The following RBFA variants were observed in gnomAD, a reference collection of about 807,000 sequenced individuals.
RBFA encodes ribosome binding factor A, also known as putative ribosome-binding factor A, mitochondrial.
Under a neutral mutation model 27.9 loss-of-function variants are expected in RBFA, and 16 were observed. The ratio of observed to expected loss-of-function variants is 0.57; its 90% CI spans 0.39 to 0.87. RBFA has a LOEUF of 0.87. Among genes scored for constraint, RBFA ranks in the 40% least tolerant of loss-of-function variants. RBFA has a pLI of 0.00. For synonymous variants in RBFA, 181 were observed against 181.0 expected, an observed-to-expected ratio of 1.00 and a Z score of 0.00; for missense variants, 456 against 432.1, an observed-to-expected ratio of 1.06 and a Z score of -0.49.
chr18:80,044,215 G>A lies in RBFA; in HGVS notation c.580G>A (p.Asp194Asn). Residue 194 changes from aspartate to asparagine, a missense_variant, in exon 6 of 7, where the codon GAT (aspartate) becomes AAT (asparagine). Physicochemically the swap from Asp to Asn is conservative, Grantham distance 23. Coordinates refer to ENST00000306735, the MANE Select transcript of RBFA (RefSeq NM_024805.3). ...TACCCTCTGTGTTCCTCTGTAGCTT[G>A]ATCAGTTACTGGCAGTCGCAGACTT... Reference protein sequence around the residue: ...DKGNAALAELDQLLAVADFGP... With the variant: ...DKGNAALAELNQLLAVADFGP... 2 of 1,614,044 alleles carry A rather than the reference G, an allele frequency of 1.2e-6. No individual in the cohort carries two copies. Among genetic ancestry groups the A allele is most frequent in the East Asian group, 4.5e-5 (2 of 44,870 alleles).
In RBFA at chr18:80,047,773, G is replaced by A. The variant is rs551369975; in HGVS notation, c.*1618G>A. 8.5e-5 allele frequency among the ~76,000 whole-genome samples: 13 copies of A among 152,300 alleles called. No homozygotes were observed. The highest frequency in any genetic ancestry group is 4.6e-4 in the Admixed American group (7 of 15,304). On this transcript the variant is annotated 3_prime_UTR_variant, in exon 7 of 7. Transcript: ENST00000306735. ...TAAAGGCTGATGCCTCTGTTACACCGTGAGCCAAATGTTTATCTCTAGGGT... is the reference window on the plus strand; with the variant it reads ...TAAAGGCTGATGCCTCTGTTACACCATGAGCCAAATGTTTATCTCTAGGGT...
intron 3 of RBFA, 97 bp downstream of exon 3, chr18:80,037,603 C>A: frequency 1.7e-6 from 2 of 1,194,128 alleles, no homozygotes; most frequent in Non-Finnish European, 2.4e-6. Flanking sequence ...AAAAAAGACG[C>A]TTTAGACTGG....
chr18:80,041,195 A>G (rs1253869842), intron 4 of RBFA: 1 of 152,248 alleles, frequency 6.6e-6, no homozygotes, highest in Non-Finnish European at 1.5e-5. Context: ...CAAAAGCAAG[A>G]AAATGAGAGA....
intron 4 of RBFA, among the ~76,000 whole-genome samples, chr18:80,039,628 C>T (rs2052003583): frequency 6.6e-6 from 1 of 152,194 alleles, no homozygotes; most frequent in Non-Finnish European, 1.5e-5. Context: ...TTTTAGGAAA[C>T]TTGTATTCAC....
rs570809904 is a variant in RBFA at position 80,049,384 on chromosome 18, C to T, written c.*3229C>T. On this transcript the variant is annotated 3_prime_UTR_variant, in exon 7 of 7. Coordinates refer to ENST00000306735, the MANE Select transcript of RBFA (RefSeq NM_024805.3). Reference sequence around the variant, plus strand: ...GGTCCACTCCCGGGGATTTCCATGGCCTTCCCTGGATGATCCACTCCTGGG... The same window carrying T: ...GGTCCACTCCCGGGGATTTCCATGGTCTTCCCTGGATGATCCACTCCTGGG... Among the ~76,000 whole-genome samples the T allele has an allele frequency of 5.9e-5, 9 of 152,312 alleles. No individual in the cohort carries two copies. In the East Asian group the frequency reaches 1.7e-3, roughly 29 times the overall value.
At chr18:80,041,327 A>G (rs1265539520) in intron 4 of RBFA, 1 of 152,220 alleles carries the variant, frequency 6.6e-6, no homozygotes, top group Admixed American at 6.5e-5. Flanking sequence ...ACCGTTTTCC[A>G]TAGCTGTGTA....
intron 3 of RBFA, among the ~76,000 whole-genome samples, chr18:80,038,109 G>A (rs982082504): frequency 6.6e-6 from 1 of 152,178 alleles, no homozygotes; most frequent in Non-Finnish European, 1.5e-5. Flanking sequence ...GGAAGAGGAT[G>A]CATCTGCATG....
chr18:80,046,995 G>A lies in RBFA; in HGVS notation c.*840G>A, dbSNP rs1269021822. 1 of 152,298 alleles carries A rather than the reference G, an allele frequency of 6.6e-6. No individual in the cohort carries two copies. Among genetic ancestry groups the A allele is most frequent in the African/African-American group, 2.4e-5 (1 of 41,442 alleles). The allele number at this position is 152,298 out of a possible 1,614,324, so 9.4% of individuals were successfully genotyped here. A position where few individuals can be genotyped will look rare whatever the true frequency, so the allele number is the denominator to read the frequency against. ...AGAGAAAACACAGATTCCATACCTT[G>A]TCAGCTCCTATTTAGTTCGGCTTCC... On this transcript the variant is annotated 3_prime_UTR_variant, in exon 7 of 7. Transcript: ENST00000306735.
In RBFA at chr18:80,045,815, C is replaced by G; in HGVS notation, c.692C>G (p.Thr231Ser). Reference sequence around the variant, plus strand: ...CAACCCTGCGGCACCACAGAGCCGACCACAAGCTCCAGTCTGTGTGGGATC... The same window carrying G: ...CAACCCTGCGGCACCACAGAGCCGAGCACAAGCTCCAGTCTGTGTGGGATC... ...APQPCGTTEP[T>S]TSSSLCGIDH... is the part of the protein sequence containing the mutation. The change falls in exon 7 of 7, where the codon ACC (threonine) becomes AGC (serine). Residue 231 changes from threonine to serine, a missense_variant. Transcript: ENST00000306735. 6.6e-7 allele frequency: 1 copy of G among 1,526,330 alleles called. No individual in the cohort carries two copies. Among genetic ancestry groups the G allele is most frequent in the Non-Finnish European group, 8.8e-7 (1 of 1,137,660 alleles). The allele number at this position is 1,526,330 out of a possible 1,614,324, so 94.5% of individuals were successfully genotyped here.
At chr18:80,045,617 C>T (rs1228839744) in intron 6 of RBFA, among the ~76,000 whole-genome samples, 157 bp from the exon 7 acceptor site, 2 of 152,100 alleles carry the variant, frequency 1.3e-5, no homozygotes, top group Admixed American at 6.5e-5. Context: ...AGCCCACCTT[C>T]CTTCACTCCT....
chr18:80,034,692 C>T (rs1198097992), intron 1 of RBFA, 39 bp downstream of exon 1: 2 of 1,592,304 alleles, frequency 1.3e-6, no homozygotes, highest in Non-Finnish European at 1.7e-6. Flanking sequence ...CGCGGTATTC[C>T]CTAGGGGGCG....
In RBFA at chr18:80,034,495, C is replaced by G. The variant is rs1334248168; in HGVS notation, c.-1C>G. 6.5e-7 allele frequency: 1 copy of G among 1,548,256 alleles called. No individual in the cohort carries two copies. The highest frequency in any genetic ancestry group is 8.7e-7 in the Non-Finnish European group (1 of 1,155,920). On this transcript the variant is annotated 5_prime_UTR_variant, in exon 1 of 7. Coordinates refer to ENST00000306735, the MANE Select transcript of RBFA (RefSeq NM_024805.3). Reference sequence around the variant, plus strand: ...CTCGCTCCGGGTCCCGGCGCCGCGCCATGTGGGCTGCGGCGGGCGGGCTGT... The same window carrying G: ...CTCGCTCCGGGTCCCGGCGCCGCGCGATGTGGGCTGCGGCGGGCGGGCTGT...
At position 80,048,960 on chromosome 18, in the gene RBFA, A is replaced by G. The variant is rs1383518852; in HGVS notation, c.*2805A>G. ...ACCAGGCGTCTGCTCAGTGCCTCCT[A>G]GAAAGTGGAGTGTGGGCACGTTTGT... On this transcript the variant is annotated 3_prime_UTR_variant, in exon 7 of 7. Transcript: ENST00000306735. Among the ~76,000 whole-genome samples the G allele has an allele frequency of 6.7e-6, 1 of 148,344 alleles. No homozygotes were observed. Among genetic ancestry groups the G allele is most frequent in the Non-Finnish European group, 1.5e-5 (1 of 66,284 alleles).
At position 80,038,535 on chromosome 18, in the gene RBFA, C is replaced by T. The variant is rs200502345; in HGVS notation, c.409C>T (p.Arg137Ter). 28 of 1,613,776 alleles carry T rather than the reference C, an allele frequency of 1.7e-5. No individual in the cohort carries two copies. Among genetic ancestry groups the T allele is most frequent in the East Asian group, 8.9e-5 (4 of 44,856 alleles). Reference protein sequence around the residue: ...VSLTPDFSACRAYWKTTLSAE... With the variant: ...VSLTPDFSAC ...CCTGACTCCAGACTTCTCAGCCTGC[C>T]GAGCGTACTGGAAGACAACGCTCTC... The change falls in exon 4 of 7, where the codon CGA (arginine) becomes TGA (stop). Residue 137 changes from arginine to a stop codon, truncating the protein, a stop_gained. Coordinates refer to ENST00000306735, the MANE Select transcript of RBFA (RefSeq NM_024805.3). LOFTEE classifies it high-confidence loss of function.
intron 6 of RBFA, 45 bp from the exon 7 acceptor site, chr18:80,045,729 G>C: frequency 6.7e-7 from 1 of 1,495,788 alleles, no homozygotes; most frequent in East Asian, 2.3e-5. Context: ...CTGTGGACTA[G>C]GGGCATGGTT....
In RBFA at chr18:80,045,229, T is replaced by TG. The variant is rs1037258668; in HGVS notation, c.651-545_651-544insG. Reference sequence around the variant, plus strand: ...GCTTAGAGAAAAAAGTTGCAAACGCTTTTTTTTTTTTTTTTGAGGCAGAGT... The same window carrying TG: ...GCTTAGAGAAAAAAGTTGCAAACGCTGTTTTTTTTTTTTTTTGAGGCAGAGT... On this transcript the variant is annotated intron_variant, in intron 6 of 6. Transcript: ENST00000306735. Among the ~76,000 whole-genome samples, 14 of 9,680 alleles carry TG rather than the reference T, an allele frequency of 1.4e-3. No homozygotes were observed. The South Asian group carries it at 0.12, about 85-fold the overall frequency. The allele number at this position is 9,680 out of a possible 152,430, so 6.4% of individuals were successfully genotyped here.
At chr18:80,034,735 G>C in intron 1 of RBFA, 82 bp downstream of exon 1, 2 of 1,563,568 alleles carry the variant, frequency 1.3e-6, no homozygotes, top group South Asian at 1.2e-5. Flanking sequence ...GCTCATCCGC[G>C]TTCTTGCGCC....
intron 3 of RBFA, among the ~76,000 whole-genome samples, chr18:80,037,822 G>A (rs565045053): frequency 3.3e-5 from 5 of 152,184 alleles, no homozygotes; most frequent in South Asian, 2.1e-4. Flanking sequence ...CCAGGAGGCG[G>A]AGGTTGCAGT....
At chr18:80,045,438 G>A (rs1222756120) in intron 6 of RBFA, among the ~76,000 whole-genome samples, 1 of 152,024 alleles carries the variant, frequency 6.6e-6, no homozygotes, top group Non-Finnish European at 1.5e-5. Flanking sequence ...TGTTGGCCAG[G>A]CTGGTCTTGC....
Sources: gnomAD v4.1 joint callset for allele counts (sites outside exome capture counted in the v4.1 genomes callset) on GRCh38, gnomAD v4.1.1 for gene constraint, MANE v1.5 for transcripts, NCBI Gene and HGNC (gene_info 2026-07-23, HGNC 2026-07-21) for gene names.